LTV1: variants seen among roughly 807,000 people sequenced by gnomAD.
LTV1 encodes protein LTV1 homolog.
Under a neutral mutation model 59.9 loss-of-function variants are expected in LTV1, and 39 were observed. That is an observed-to-expected ratio of 0.65 (90% CI 0.50 to 0.85). The LOEUF is 0.85. LTV1 is among the 40% of genes least tolerant of loss of function. The pLI is 0.00. For synonymous variants in LTV1, 171 were observed against 189.5 expected (o/e 0.90, Z 0.80); for missense variants, 493 against 549.1 (o/e 0.90, Z 1.02).
Position 143,862,390 on chromosome 6 carries a change from G to T in LTV1, c.1063+147G>T. 3 of 617,904 alleles carry T rather than the reference G, an allele frequency of 4.9e-6. No individual in the cohort carries two copies. The South Asian group carries it at 7.0e-5, about 14-fold the overall frequency. The allele number at this position is 617,904 out of a possible 1,614,324, so 38.3% of individuals were successfully genotyped here. A position where few individuals can be genotyped will look rare whatever the true frequency, so the allele number is the denominator to read the frequency against. On this transcript the variant is annotated intron_variant, in intron 8 of 10. Coordinates refer to ENST00000367576, the MANE Select transcript of LTV1 (RefSeq NM_032860.5). This position sits in a 1 kb window ranked among gnomAD's most constrained non-coding sequence, Gnocchi z 4.2. ...ACCTGATGTCAGGAGTTCAAGACCA[G>T]CCTGGCCAACATGGTGAAACCCCGT...
At chr6:143,861,483 C>T (rs976221463) in intron 7 of LTV1, among the ~76,000 whole-genome samples, 2 of 151,556 alleles carry the variant, frequency 1.3e-5, no homozygotes, top group Admixed American at 6.6e-5. Context: ...AAAATAAGAT[C>T]GTGTTTCTAG....
At position 143,862,763 on chromosome 6, in the gene LTV1, A is replaced by G. The variant is rs1777187841; in HGVS notation, c.1064-81A>G. ...TTTTGCACTATGAAAACACAAGGTC[A>G]GAAATATAGTAGGAATTCAGTAATG... On this transcript the variant is annotated intron_variant, in intron 8 of 10. Transcript: ENST00000367576. This position sits in a 1 kb window ranked among gnomAD's most constrained non-coding sequence, Gnocchi z 4.2. The G allele has an allele frequency of 1.1e-6, 1 of 890,086 alleles. No homozygotes were observed. The highest frequency in any genetic ancestry group is 1.4e-5 in the South Asian group (1 of 73,754). 55.1% of individuals were successfully genotyped at this position (890,086 alleles called of 1,614,324 possible).
chr6:143,862,732 G>A lies in LTV1; in HGVS notation c.1064-112G>A. The A allele has an allele frequency of 4.2e-6, 3 of 708,978 alleles. No individual in the cohort carries two copies. The Admixed American group carries it at 6.4e-5, about 15-fold the overall frequency. 43.9% of individuals were successfully genotyped at this position (708,978 alleles called of 1,614,324 possible). A position where few individuals can be genotyped will look rare whatever the true frequency, so the allele number is the denominator to read the frequency against. The stretch of plus-strand genomic sequence containing the variant: ...TATAAAACATTGATCAGAGACTCCA[G>A]TGTTATTTTGCACTATGAAAACACA... On this transcript the variant is annotated intron_variant, in intron 8 of 10. Coordinates refer to ENST00000367576, the MANE Select transcript of LTV1 (RefSeq NM_032860.5). The surrounding 1 kb of genome is among the most constrained non-coding windows in gnomAD (Gnocchi z 4.2).
chr6:143,854,282 G>C (rs1282756428), intron 4 of LTV1, among the ~76,000 whole-genome samples: 3 of 152,132 alleles, frequency 2.0e-5, no homozygotes, highest in South Asian at 4.1e-4. Flanking sequence ...ATTTCTGTGG[G>C]ATCGGTGGTG....
At chr6:143,843,666 C>G (rs1226159643) in intron 1 of LTV1, among the ~76,000 whole-genome samples, 186 bp downstream of exon 1, 2 of 152,214 alleles carry the variant, frequency 1.3e-5, no homozygotes, top group South Asian at 4.1e-4. Context: ...AGTCTCCCAC[C>G]GCCGAGCCTC....
Position 143,857,831 on chromosome 6 carries a change from G to A in LTV1, c.619G>A (p.Ala207Thr), listed in dbSNP as rs763431202. Residue 207 changes from alanine (A) to threonine (T), a missense_variant, in exon 6 of 11, where the codon GCA becomes ACA. Ala to Thr is a moderately conservative substitution (Grantham distance 58). Transcript: ENST00000367576. This position sits in a 1 kb window ranked among gnomAD's most constrained non-coding sequence, Gnocchi z 5.2. ...KGDSNDDYDS[A>T]GLLSDEDCMS... ...AGATAGCAATGATGACTATGACTCT[G>A]CAGGCCTATTGTCAGATGAAGACTG... The A allele has an allele frequency of 1.2e-6, 2 of 1,614,012 alleles. No homozygotes were observed. The highest frequency in any genetic ancestry group is 1.3e-5 in the African/African-American group (1 of 74,928).
chr6:143,857,059 G>T lies in LTV1; in HGVS notation c.398-244G>T, dbSNP rs1252644225. ...AGCCGCCCCTTCCCCCAGGTGCTCT[G>T]TCCCAGGAAGATGGGAGTTTTATTT... On this transcript the variant is annotated intron_variant, in intron 4 of 10. Transcript: ENST00000367576. This position sits in a 1 kb window ranked among gnomAD's most constrained non-coding sequence, Gnocchi z 5.2. Among the ~76,000 whole-genome samples, 1 of 152,234 alleles carries T rather than the reference G, an allele frequency of 6.6e-6. No homozygotes were observed. Among genetic ancestry groups the T allele is most frequent in the East Asian group, 1.9e-4 (1 of 5,200 alleles).
chr6:143,863,153 C>A lies in LTV1; in HGVS notation c.1184C>A (p.Thr395Lys). Residue 395 changes from threonine (T) to lysine (K), a missense_variant, in exon 10 of 11, where the codon ACA becomes AAA. Coordinates refer to ENST00000367576, the MANE Select transcript of LTV1 (RefSeq NM_032860.5). This position sits in a 1 kb window ranked among gnomAD's most constrained non-coding sequence, Gnocchi z 4.5. ...PLNVLPKKGLTAKQTERIQMI... is the reference protein window; with the variant it reads ...PLNVLPKKGLKAKQTERIQMI... ...AATGTCTTACCAAAGAAAGGACTCA[C>A]AGCAAAGCAAACTGAAAGAATACAG... The A allele has an allele frequency of 5.0e-6, 8 of 1,613,974 alleles. No individual in the cohort carries two copies. The highest frequency in any genetic ancestry group is 6.8e-6 in the Non-Finnish European group (8 of 1,179,928).
chr6:143,844,665 T>C (rs755749692), intron 2 of LTV1, 48 bp downstream of exon 2: 19 of 1,539,350 alleles, frequency 1.2e-5, no homozygotes, highest in Admixed American at 1.1e-4. Context: ...ACAATAGTTT[T>C]TTTTTTCTTT....
At chr6:143,859,870 G>A (rs543436003) in intron 6 of LTV1, among the ~76,000 whole-genome samples, 7 of 152,306 alleles carry the variant, frequency 4.6e-5, no homozygotes, top group African/African-American at 7.2e-5. Context: ...GTGGGAGGCC[G>A]AAGCAGATGG....
rs1469192473 is a variant in LTV1 at position 143,857,905 on chromosome 6, C to G, written c.693C>G (p.Phe231Leu). The G allele has an allele frequency of 6.2e-7, 1 of 1,613,924 alleles. No homozygotes were observed. Among genetic ancestry groups the G allele is most frequent in the African/African-American group, 1.3e-5 (1 of 74,880 alleles). ...KTHRAIADHLFWSEETKSRFT... is the reference protein window; with the variant it reads ...KTHRAIADHLLWSEETKSRFT... ...ACAGAGCTATAGCAGATCACTTGTT[C>G]TGGAGTGAGGAAACAAAGAGTCGCT... is the stretch of plus-strand genomic sequence containing the variant. The change falls in exon 6 of 11, where the codon TTC (phenylalanine) becomes TTG (leucine). Residue 231 changes from phenylalanine (F) to leucine (L), a missense_variant. Transcript: ENST00000367576. This position sits in a 1 kb window ranked among gnomAD's most constrained non-coding sequence, Gnocchi z 5.2.
chr6:143,844,273 G>C (rs1383987762), intron 1 of LTV1, among the ~76,000 whole-genome samples: 1 of 152,192 alleles, frequency 6.6e-6, no homozygotes, highest in African/African-American at 2.4e-5. Context: ...CCCATAACAA[G>C]GTCTGGCACA....
At chr6:143,849,990 T>C (rs1438541986) in intron 3 of LTV1, 141 bp from the exon 4 acceptor site, 4 of 601,254 alleles carry the variant, frequency 6.7e-6, no homozygotes, top group African/African-American at 5.6e-5. Context: ...CCTCATCTTA[T>C]TATAGTTGAG....
chr6:143,856,101 G>A (rs1777072513), intron 4 of LTV1, among the ~76,000 whole-genome samples: 1 of 152,138 alleles, frequency 6.6e-6, no homozygotes, highest in Admixed American at 6.5e-5. Context: ...TTTTCACATA[G>A]TCCCATATTT....
Position 143,857,727 on chromosome 6 carries a change from AG to A in LTV1, c.540-23del, listed in dbSNP as rs1406506335. 2.2e-5 allele frequency: 35 copies of A among 1,611,490 alleles called. No individual in the cohort carries two copies. Among genetic ancestry groups the A allele is most frequent in the Non-Finnish European group, 3.0e-5 (35 of 1,178,050 alleles). On this transcript the variant is annotated intron_variant, in intron 5 of 10. Coordinates refer to ENST00000367576, the MANE Select transcript of LTV1 (RefSeq NM_032860.5). The surrounding 1 kb of genome is among the most constrained non-coding windows in gnomAD (Gnocchi z 5.2). ...CTGTTACTTTTTAAGTTGTTTTGGT[AG>A]GTAATTTATGACCTTTACTTTAGGA...
chr6:143,860,376 T>C, intron 6 of LTV1, 50 bp from the exon 7 acceptor site: 1 of 1,581,588 alleles, frequency 6.3e-7, no homozygotes, highest in Non-Finnish European at 8.6e-7. Flanking sequence ...TGTGTAGTCT[T>C]ACTGAGTACA....
Position 143,862,416 on chromosome 6 carries a change from G to C in LTV1, c.1063+173G>C, listed in dbSNP as rs112190232. The stretch of plus-strand genomic sequence containing the variant: ...CCTGGCCAACATGGTGAAACCCCGT[G>C]TCTACTAAAAAATACAAAAATTAGC... On this transcript the variant is annotated intron_variant, in intron 8 of 10. Coordinates refer to ENST00000367576, the MANE Select transcript of LTV1 (RefSeq NM_032860.5). The surrounding 1 kb of genome is among the most constrained non-coding windows in gnomAD (Gnocchi z 4.2). Among the ~76,000 whole-genome samples, 2,180 of 152,010 alleles carry C rather than the reference G, an allele frequency of 0.014. 45 individuals are homozygous for C. Among genetic ancestry groups the C allele is most frequent in the African/African-American group, 0.05 (2,084 of 41,436 alleles).
chr6:143,853,701 G>A (rs966547046), intron 4 of LTV1, among the ~76,000 whole-genome samples: 1 of 152,136 alleles, frequency 6.6e-6, no homozygotes, highest in Non-Finnish European at 1.5e-5. Flanking sequence ...TTTATCAAAG[G>A]CCTTTTCTGC....
At chr6:143,852,593 T>C (rs1777001206) in intron 4 of LTV1, among the ~76,000 whole-genome samples, 1 of 152,254 alleles carries the variant, frequency 6.6e-6, no homozygotes, top group African/African-American at 2.4e-5. Flanking sequence ...TTTGTCAATT[T>C]TGGCTTTTGT....
Sources: gnomAD v4.1 joint callset for allele counts (sites outside exome capture counted in the v4.1 genomes callset) on GRCh38, gnomAD v4.1.1 for gene constraint, Gnocchi (gnomAD v3.1) non-coding constraint, MANE v1.5 for transcripts, NCBI Gene and HGNC (gene_info 2026-07-23, HGNC 2026-07-21) for gene names.